PPP4R1: variants seen among roughly 807,000 people sequenced by gnomAD.
PPP4R1 encodes protein phosphatase 4 regulatory subunit 1, also known as serine/threonine-protein phosphatase 4 regulatory subunit 1.
In PPP4R1, 42 loss-of-function variants were observed where a neutral mutation model predicts 111.2. The ratio of observed to expected loss-of-function variants is 0.38; its 90% CI spans 0.29 to 0.49. The LOEUF (loss-of-function observed/expected upper bound fraction) is 0.49, where lower values mean the gene tolerates loss of function less well. PPP4R1 is among the 20% of genes least tolerant of loss of function. The pLI is 0.97. For synonymous variants in PPP4R1, 409 were observed against 405.5 expected, an observed-to-expected ratio of 1.01 and a Z score of -0.10; for missense variants, 1,012 against 1,161.6, an observed-to-expected ratio of 0.87 and a Z score of 1.87.
chr18:9,616,344 C>T (rs1011954388), upstream of PPP4R1, among the ~76,000 whole-genome samples: 3 of 151,768 alleles, frequency 2.0e-5, no homozygotes, highest in Non-Finnish European at 4.4e-5. Context: ...AATCATGACT[C>T]ACTGTAACCT....
chr18:9,547,773 C>T lies in PPP4R1; in HGVS notation c.*16G>A, dbSNP rs746834228. 5.6e-5 allele frequency: 90 copies of T among 1,611,846 alleles called. No homozygotes were observed. The highest frequency in any genetic ancestry group is 1.0e-4 in the Admixed American group (6 of 59,996). ...GGCTCTCATGGAAGCAGGAAAGACA[C>T]CGAGATTCAAGCCTTCTAGTAGGTT... On this transcript the variant is annotated 3_prime_UTR_variant, in exon 20 of 20. Transcript: ENST00000400556.
intron 18 of PPP4R1, among the ~76,000 whole-genome samples, 197 bp from the exon 19 acceptor site, chr18:9,549,535 GCT>G (rs1358805315): frequency 6.6e-6 from 1 of 152,180 alleles, no homozygotes; most frequent in East Asian, 1.9e-4. Context: ...TTTTTAAACT[GCT>G]CTACGGAGAC....
chr18:9,587,633 T>C (rs1329244121), intron 6 of PPP4R1: 1 of 152,834 alleles, frequency 6.5e-6, no homozygotes, highest in East Asian at 1.9e-4. Context: ...CTCAAACCCC[T>C]GGTCTCAAGT....
chr18:9,565,207 T>C (rs1460802667), intron 11 of PPP4R1, among the ~76,000 whole-genome samples: 1 of 152,180 alleles, frequency 6.6e-6, no homozygotes, highest in Non-Finnish European at 1.5e-5. Flanking sequence ...GATATTACTA[T>C]TGTAATTGTT....
Position 9,563,538 on chromosome 18 carries a change from A to G in PPP4R1, c.1586T>C (p.Val529Ala). Residue 529 changes from valine (V) to alanine (A), a missense_variant, in exon 12 of 20, where the codon GTG becomes GCG. This residue lies in a region of PPP4R1 where 707 missense variants were observed against 742.1 expected (regional missense o/e 0.95). Transcript: ENST00000400556. ...GGAAGCACGTAGTGCAGCGGACAGCACTTCCACTTGTGCTACAGGCAAAAT... is the reference window on the plus strand; with the variant it reads ...GGAAGCACGTAGTGCAGCGGACAGCGCTTCCACTTGTGCTACAGGCAAAAT... ...DDPDVKAQVE[V>A]LSAALRASSL... is the part of the protein sequence containing the mutation. The G allele has an allele frequency of 1.3e-6, 2 of 1,592,486 alleles. No individual in the cohort carries two copies. The highest frequency in any genetic ancestry group is 1.7e-6 in the Non-Finnish European group (2 of 1,169,252).
At chr18:9,584,897 A>G in intron 6 of PPP4R1, 69 bp from the exon 7 acceptor site, 1 of 1,224,844 alleles carries the variant, frequency 8.2e-7, no homozygotes, top group Admixed American at 2.3e-5. Flanking sequence ...ATTAAATAAT[A>G]AAAGTATATA....
intron 11 of PPP4R1, among the ~76,000 whole-genome samples, chr18:9,564,737 T>TGGGGG (rs201070259): frequency 1.0e-4 from 7 of 68,020 alleles, no homozygotes; most frequent in African/African-American, 5.2e-4. Flanking sequence ...TGTGTGTGTG[T>TGGGGG]GGGGGTATCA....
chr18:9,550,528 A>C, intron 16 of PPP4R1, 130 bp from the exon 17 acceptor site: 12 of 1,043,750 alleles, frequency 1.1e-5, no homozygotes, highest in Non-Finnish European at 1.7e-5. Flanking sequence ...AAGAGGAGTG[A>C]TTAAGCAGAC....
chr18:9,601,314 AG>A, intron 2 of PPP4R1, among the ~76,000 whole-genome samples: 1 of 151,448 alleles, frequency 6.6e-6, no homozygotes, highest in Non-Finnish European at 1.5e-5. Flanking sequence ...CTTAGAGGTT[AG>A]GAGTTCGAGA....
intron 11 of PPP4R1, among the ~76,000 whole-genome samples, chr18:9,564,534 A>G (rs1442454237): frequency 6.6e-6 from 1 of 152,202 alleles, no homozygotes; most frequent in East Asian, 1.9e-4. Flanking sequence ...TTGTAGTGGA[A>G]TATTTTCATT....
rs562667737 is a variant in PPP4R1 at position 9,549,467 on chromosome 18, G to A, written c.2548-129C>T. 1.4e-5 allele frequency: 16 copies of A among 1,141,554 alleles called. No individual in the cohort carries two copies. The South Asian group carries it at 1.6e-4, about 11-fold the overall frequency. The allele number at this position is 1,141,554 out of a possible 1,614,324, so 70.7% of individuals were successfully genotyped here. On this transcript the variant is annotated intron_variant, in intron 18 of 19. Coordinates refer to ENST00000400556, the MANE Select transcript of PPP4R1 (RefSeq NM_001042388.3). ...TATTGCTTTTTAACCAAAATTCCACGTACTTGGGAACTCAAATCAAAAATT... is the reference window on the plus strand; with the variant it reads ...TATTGCTTTTTAACCAAAATTCCACATACTTGGGAACTCAAATCAAAAATT...
intron 15 of PPP4R1, among the ~76,000 whole-genome samples, chr18:9,556,823 ATG>A (rs745902914): frequency 3.3e-5 from 5 of 152,142 alleles, no homozygotes; most frequent in Non-Finnish European, 7.3e-5. Context: ...GTATTCCCGG[ATG>A]TGAAACTGGA....
chr18:9,601,279 G>A (rs911541318), intron 2 of PPP4R1, among the ~76,000 whole-genome samples: 1 of 150,676 alleles, frequency 6.6e-6, no homozygotes, highest in Non-Finnish European at 1.5e-5. Context: ...TCCCAGCACT[G>A]TGGGAGGCTG....
chr18:9,576,757 A>G (rs62087459), intron 10 of PPP4R1, among the ~76,000 whole-genome samples: 10,548 of 114,894 alleles, frequency 0.092, 461 homozygotes, highest in Admixed American at 0.13. Context: ...TGATTGACTA[A>G]ATAATGTACT....
intron 4 of PPP4R1, among the ~76,000 whole-genome samples, chr18:9,593,512 T>C (rs749325665): frequency 5.3e-5 from 8 of 152,136 alleles, no homozygotes; most frequent in South Asian, 2.1e-4. Flanking sequence ...AATATTACTA[T>C]ACATGATGCA....
intron 10 of PPP4R1, among the ~76,000 whole-genome samples, chr18:9,574,821 G>C (rs143964166): frequency 2.0e-5 from 3 of 152,206 alleles, no homozygotes; most frequent in Admixed American, 6.5e-5. Flanking sequence ...TTAAACGAGG[G>C]TATGGATGGA....
At chr18:9,581,530 TAG>T (rs1331470980) in intron 9 of PPP4R1, among the ~76,000 whole-genome samples, 6 of 144,536 alleles carry the variant, frequency 4.2e-5, no homozygotes, top group Non-Finnish European at 9.1e-5. Context: ...AGCCAAAGAA[TAG>T]AGAGGGGGAA....
intron 10 of PPP4R1, among the ~76,000 whole-genome samples, chr18:9,573,892 G>A (rs905768439): frequency 2.6e-5 from 4 of 152,122 alleles, no homozygotes; most frequent in African/African-American, 4.8e-5. Flanking sequence ...AAAACTCTTA[G>A]AATGATTTTT....
chr18:9,564,909 T>C (rs2066741672), intron 11 of PPP4R1, among the ~76,000 whole-genome samples: 2 of 151,912 alleles, frequency 1.3e-5, no homozygotes, highest in South Asian at 4.2e-4. Context: ...CAAGGCATGA[T>C]CATAGCTCAC....
Sources: allele counts gnomAD v4.1 joint callset (sites outside exome capture counted in the v4.1 genomes callset), GRCh38; gene constraint gnomAD v4.1.1; regional missense constraint gnomAD v4.1.1; transcripts MANE v1.5; gene names NCBI Gene and HGNC (gene_info 2026-07-23, HGNC 2026-07-21).